Variants in TMEM222 observed in about 807,000 individuals in gnomAD.
The protein encoded by TMEM222 is chromosome 1 open reading frame 160.
A neutral mutation model predicts 25.1 loss-of-function variants in TMEM222; 18 were observed. That is an observed-to-expected ratio of 0.72 (90% confidence interval 0.50 to 1.06). The LOEUF (loss-of-function observed/expected upper bound fraction) is 1.06. Among genes scored for constraint, TMEM222 ranks in the 50% least tolerant of loss-of-function variants. TMEM222 has a pLI of 0.00. For synonymous variants in TMEM222, 131 were observed against 117.9 expected (o/e 1.11, Z -0.72); for missense variants, 296 against 293.7 (o/e 1.01, Z -0.06).
At chr1:27,332,723 T>C in intron 3 of TMEM222, 1 of 584,402 alleles carries the variant, frequency 1.7e-6, no homozygotes, top group Non-Finnish European at 3.1e-6. Flanking sequence ...CGAGGAGGAG[T>C]TGGTGTCCCA....
intron 3 of TMEM222, chr1:27,333,093 C>T: frequency 3.0e-6 from 1 of 334,634 alleles, no homozygotes; most frequent in East Asian, 7.6e-5. Context: ...CTCACCCTGG[C>T]AAGCTGCCTG....
chr1:27,331,732 C>G (rs2014483182), intron 2 of TMEM222, among the ~76,000 whole-genome samples: 1 of 152,250 alleles, frequency 6.6e-6, no homozygotes, highest in African/African-American at 2.4e-5. Flanking sequence ...CCTCAGAGAT[C>G]AGAGAAGACT....
rs145723075 is a variant in TMEM222, at chr1:27,334,027, C to T, written c.381C>T (p.Asp127=). 6.6e-5 allele frequency: 106 copies of T among 1,614,172 alleles called. No homozygotes were observed. Among genetic ancestry groups the T allele is most frequent in the African/African-American group, 5.1e-4 (38 of 75,040 alleles). The stretch of plus-strand genomic sequence containing the variant: ...ACGCATGGGACACGGCTGTGCACGA[C>T]GCCTCTGAGGAGTACAAGCACCGCA... The part of the protein sequence containing the change: ...GPNAWDTAVH[D]ASEEYKHRMH... The change falls in exon 4 of 6, where the codon GAC becomes GAT. Residue 127 remains aspartate (D), a synonymous_variant. Transcript: ENST00000374076.
chr1:27,328,669 C>A (rs1196151825), intron 1 of TMEM222, among the ~76,000 whole-genome samples: 3 of 152,234 alleles, frequency 2.0e-5, no homozygotes, highest in Non-Finnish European at 2.9e-5. Flanking sequence ...GGCCTCTCCC[C>A]CTTTCGTTCT....
Position 27,322,239 on chromosome 1 carries a change from G to C in TMEM222, c.42G>C (p.Pro14=). 3 of 1,464,586 alleles carry C rather than the reference G, an allele frequency of 2.0e-6. No individual in the cohort carries two copies. Among genetic ancestry groups the C allele is most frequent in the Non-Finnish European group, 2.7e-6 (3 of 1,102,316 alleles). The allele number at this position is 1,464,586 out of a possible 1,614,324, so 90.7% of individuals were successfully genotyped here. The change falls in exon 1 of 6, where the codon CCG becomes CCC. Residue 14 remains proline, a synonymous_variant. Coordinates refer to ENST00000374076, the MANE Select transcript of TMEM222 (RefSeq NM_032125.3). ...GGAGTTCTCTGCTCTTGTTGCCGCC[G>C]CCGCCACCCCCGCCCAGGATGGCGG... ...AEGSSLLLLP[P]PPPPPRMAEV...
chr1:27,334,695 A>G (rs1399136942), intron 5 of TMEM222: 21 of 1,376,622 alleles, frequency 1.5e-5, no homozygotes, highest in Non-Finnish European at 1.9e-5. Flanking sequence ...AGATTGAGTG[A>G]GTCGCCCATG....
At chr1:27,322,486 C>T in intron 1 of TMEM222, 95 bp downstream of exon 1, 2 of 1,231,788 alleles carry the variant, frequency 1.6e-6, no homozygotes, top group Non-Finnish European at 2.1e-6. Context: ...CGCAGCAAGC[C>T]TTTTCCTCGG....
chr1:27,329,039 A>C (rs1367374916), intron 1 of TMEM222, among the ~76,000 whole-genome samples: 1 of 151,946 alleles, frequency 6.6e-6, no homozygotes, highest in Non-Finnish European at 1.5e-5. Flanking sequence ...TCTGAGATTT[A>C]TTGTTGTTTT....
intron 1 of TMEM222, chr1:27,325,172 T>C (rs1215352425): frequency 1.1e-5 from 4 of 374,636 alleles, no homozygotes; most frequent in African/African-American, 2.1e-5. Context: ...CAAAGATCTG[T>C]CTACCCCCTC....
intron 5 of TMEM222, 159 bp downstream of exon 5, chr1:27,334,440 G>C (rs768547930): frequency 1.6e-6 from 2 of 1,289,840 alleles, no homozygotes; most frequent in Non-Finnish European, 2.1e-6. Flanking sequence ...CTGAGGGCCT[G>C]ATGGAGAGGG....
In TMEM222 at chr1:27,322,232, T is replaced by TGCC. The variant is rs769526371; in HGVS notation, c.45_47dup (p.Pro19dup). 5 of 1,457,620 alleles carry TGCC rather than the reference T, an allele frequency of 3.4e-6. No individual in the cohort carries two copies. The highest frequency in any genetic ancestry group is 1.5e-5 in the African/African-American group (1 of 68,906). The allele number at this position is 1,457,620 out of a possible 1,614,324, so 90.3% of individuals were successfully genotyped here. On this transcript the variant is annotated inframe_insertion, in exon 1 of 6. Transcript: ENST00000374076. ...GCGGAAGGGAGTTCTCTGCTCTTGT[T>TGCC]GCCGCCGCCGCCACCCCCGCCCAGG...
intron 1 of TMEM222, among the ~76,000 whole-genome samples, chr1:27,328,010 A>T (rs1198423072): frequency 6.6e-6 from 1 of 152,240 alleles, no homozygotes; most frequent in African/African-American, 2.4e-5. Flanking sequence ...ACAAGAAAAA[A>T]TCCTGTCTCT....
Position 27,335,392 on chromosome 1 carries a change from G to T in TMEM222, c.553G>T (p.Val185Leu). ...TCTCTCTGTCAGCGTTGGGGCCTTC[G>T]TGAAGACCTGGCTGCCCTTCATCCT... ...YGKYVSVGAFVKTWLPFILLL... is the reference protein window; with the variant it reads ...YGKYVSVGAFLKTWLPFILLL... The change falls in exon 6 of 6, where the codon GTG becomes TTG. Residue 185 changes from valine to leucine, a missense_variant. Transcript: ENST00000374076. The T allele has an allele frequency of 6.2e-7, 1 of 1,614,206 alleles. No homozygotes were observed. Among genetic ancestry groups the T allele is most frequent in the Non-Finnish European group, 8.5e-7 (1 of 1,180,028 alleles).
intron 2 of TMEM222, 181 bp downstream of exon 2, chr1:27,330,985 G>T (rs1473218853): frequency 3.4e-6 from 5 of 1,487,550 alleles, no homozygotes; most frequent in Admixed American, 2.4e-5. Flanking sequence ...TTGCCTCCAG[G>T]ACAGGCCGGG....
At chr1:27,334,726 G>A in intron 5 of TMEM222, 1 of 1,305,788 alleles carries the variant, frequency 7.7e-7, no homozygotes, top group Non-Finnish European at 1.0e-6. Context: ...CATGGACACA[G>A]CAGAGCCCAG....
intron 5 of TMEM222, chr1:27,334,926 G>A (rs2014568587): frequency 3.0e-6 from 2 of 666,250 alleles, no homozygotes. Context: ...GCTCCCAGCT[G>A]CTTGGCTCCA....
chr1:27,325,552 C>A (rs1158547342), intron 1 of TMEM222: 2 of 1,286,624 alleles, frequency 1.6e-6, no homozygotes. Context: ...GACCTGTACA[C>A]CAACATAGGG....
At chr1:27,322,878 T>G (rs938685072) in intron 1 of TMEM222, among the ~76,000 whole-genome samples, 2 of 151,964 alleles carry the variant, frequency 1.3e-5, no homozygotes, top group Non-Finnish European at 2.9e-5. Context: ...GTCCAACCCT[T>G]TGTCTCACGT....
At chr1:27,334,585 C>T (rs2014560239) in intron 5 of TMEM222, 31 of 1,442,932 alleles carry the variant, frequency 2.1e-5, no homozygotes, top group East Asian at 1.0e-4. Context: ...GCAATGATTC[C>T]GGCTCCTCAG....
Sources: gnomAD v4.1 joint callset for allele counts (sites outside exome capture counted in the v4.1 genomes callset) on GRCh38, gnomAD v4.1.1 for gene constraint, MANE v1.5 for transcripts, NCBI Gene and HGNC (gene_info 2026-07-23, HGNC 2026-07-21) for gene names.